Variants in KIAA1210 observed in about 807,000 individuals in gnomAD.
KIAA1210 encodes the protein acrosomal protein KIAA1210.
KIAA1210 carries 48 observed loss-of-function variants against 78.9 expected under a neutral mutation model. That is an observed-to-expected ratio of 0.61 (90% CI 0.48 to 0.77). KIAA1210 has a LOEUF of 0.77. KIAA1210 is among the 30% of genes least tolerant of loss of function. KIAA1210 has a pLI of 0.00. For synonymous variants in KIAA1210, 406 were observed against 404.5 expected, an observed-to-expected ratio of 1.00 and a Z score of -0.04; for missense variants, 1,108 against 1,100.0, an observed-to-expected ratio of 1.01 and a Z score of -0.10.
At position 119,088,792 on chromosome X, in the gene KIAA1210, T is replaced by G; in HGVS notation, c.1910A>C (p.Glu637Ala). The G allele has an allele frequency of 8.3e-7, 1 of 1,211,360 alleles. No individual in the cohort carries two copies. Among genetic ancestry groups the G allele is most frequent in the South Asian group, 1.8e-5 (1 of 56,902 alleles). Residue 637 changes from glutamate (E) to alanine (A), a missense_variant, in exon 9 of 12, where the codon GAA becomes GCA. By Grantham distance (107) the Glu-to-Ala change is moderately radical (BLOSUM62 -1). Around this residue, in one of 5 missense-constraint regions of KIAA1210, gnomAD observed 672 missense variants for 607.1 expected, o/e 1.11. Transcript: ENST00000691062. The part of the protein sequence containing the change: ...QSLGKFEDEQ[E>A]VFSESKSFVE... ...AAAACTTTTTGATTCTGAGAAGACT[T>G]CTTGTTCATCTTCAAACTTCCCCAA...
chrX:119,150,405 C>G (rs750492632), exon 1 of KIAA1210: 1 of 1,209,861 alleles, frequency 8.3e-7, no homozygotes, highest in Admixed American at 2.2e-5. Context: ...GTGCTTCCCT[C>G]CTTCTTGCCT....
intron 6 of KIAA1210, among the ~76,000 whole-genome samples, chrX:119,096,894 A>G (rs1201876617): frequency 8.9e-6 from 1 of 112,324 alleles, no homozygotes; most frequent in East Asian, 2.8e-4. Context: ...TGAAAACAAG[A>G]AACAGGAAGA....
intron 8 of KIAA1210, 44 bp from the exon 9 acceptor site, chrX:119,089,790 T>C (rs765883254): frequency 1.8e-6 from 2 of 1,102,007 alleles, no homozygotes; most frequent in Non-Finnish European, 1.2e-6. Context: ...TGTGTGACTT[T>C]CACTTCCTAA....
chrX:119,105,395 CCAAA>C (rs1927863796), intron 5 of KIAA1210, among the ~76,000 whole-genome samples: 1 of 111,995 alleles, frequency 8.9e-6, no homozygotes, highest in Non-Finnish European at 1.9e-5. Context: ...TTGCCAATCC[CCAAA>C]CAAAGACAGA....
intron 2 of KIAA1210, among the ~76,000 whole-genome samples, chrX:119,138,877 G>A (rs1053760443): frequency 4.5e-5 from 5 of 111,856 alleles, no homozygotes; most frequent in African/African-American, 1.6e-4. Flanking sequence ...CTAAATGGGG[G>A]TGGCAGGTGG....
intron 10 of KIAA1210, 21 bp downstream of exon 10, chrX:119,085,362 A>G (rs1927095508): frequency 8.4e-7 from 1 of 1,191,129 alleles, no homozygotes; most frequent in Non-Finnish European, 1.1e-6. Context: ...GGAGTGTTTT[A>G]TTGGCTACCC....
In KIAA1210 at chrX:119,116,525, G is replaced by A. The variant is rs372678895; in HGVS notation, c.201C>T (p.Pro67=). 106 of 1,209,786 alleles carry A rather than the reference G, an allele frequency of 8.8e-5. No homozygotes were observed. Among genetic ancestry groups the A allele is most frequent in the Non-Finnish European group, 1.1e-4 (102 of 895,001 alleles). Residue 67 remains proline, a synonymous_variant, in exon 3 of 12, where the codon CCC becomes CCT. Coordinates refer to ENST00000691062, the MANE Select transcript of KIAA1210 (RefSeq NM_001394962.1). ...SSNINISSLQ[P]VRENQPTKAR... The stretch of plus-strand genomic sequence containing the variant: ...CCTTAGTTGGTTGATTTTCCCGAAC[G>A]GGCTGCAGAGAAGAGATGTTAATGT...
Position 119,079,382 on chromosome X carries a change from T to C in KIAA1210, c.*1947A>G, listed in dbSNP as rs1926867339. ...TCCTAGAAAAATGAGCTAGGTTTACTGCCCAGACATCCAAAGGGAGCTCTC... is the reference window on the plus strand; with the variant it reads ...TCCTAGAAAAATGAGCTAGGTTTACCGCCCAGACATCCAAAGGGAGCTCTC... On this transcript the variant is annotated 3_prime_UTR_variant, in exon 12 of 12. Transcript: ENST00000691062. 8.9e-6 allele frequency: 1 copy of C among 112,097 alleles called. No individual in the cohort carries two copies. The highest frequency in any genetic ancestry group is 9.4e-5 in the Admixed American group (1 of 10,642). The allele number at this position is 112,097 out of a possible 1,213,427, so 9.2% of individuals were successfully genotyped here. A position where few individuals can be genotyped will look rare whatever the true frequency, so the allele number is the denominator to read the frequency against.
intron 2 of KIAA1210, among the ~76,000 whole-genome samples, chrX:119,141,660 C>T (rs1929052995): frequency 8.9e-6 from 1 of 111,993 alleles, no homozygotes; most frequent in African/African-American, 3.2e-5. Flanking sequence ...AATTTTTTCC[C>T]CTGGGGCCTT....
rs371503493 is a variant in KIAA1210 at position 119,087,073 on chromosome X, C to G, written c.3629G>C (p.Arg1210Pro). ...HSSSVNAAAR[R>P]SVFESNSDNW... ...GTCAGAATTGCTCTCAAAAACAGAT[C>G]GCCTAGCAGCAGCATTCACAGAACT... is the stretch of plus-strand genomic sequence containing the variant. Residue 1210 changes from arginine to proline, a missense_variant, in exon 9 of 12, where the codon CGA (arginine) becomes CCA (proline). Coordinates refer to ENST00000691062, the MANE Select transcript of KIAA1210 (RefSeq NM_001394962.1). 11 of 1,209,725 alleles carry G rather than the reference C, an allele frequency of 9.1e-6. No individual in the cohort carries two copies. The African/African-American group carries it at 1.8e-4, about 19-fold the overall frequency.
upstream of KIAA1210, among the ~76,000 whole-genome samples, chrX:119,131,145 A>G (rs1434227856): frequency 2.7e-5 from 3 of 111,894 alleles, no homozygotes; most frequent in Middle Eastern, 4.6e-3. Flanking sequence ...GGTTTTCTTT[A>G]AACAATGTAA....
At chrX:119,110,071 C>A (rs2147183901) in intron 3 of KIAA1210, among the ~76,000 whole-genome samples, 1 of 111,776 alleles carries the variant, frequency 8.9e-6, no homozygotes, top group South Asian at 3.7e-4. Context: ...ACAGGAAGAG[C>A]AAACTACAGA....
chrX:119,087,940 A>T lies in KIAA1210; in HGVS notation c.2762T>A (p.Leu921Gln). The change falls in exon 9 of 12, where the codon CTG (leucine) becomes CAG (glutamine). Residue 921 changes from leucine (L) to glutamine (Q), a missense_variant. Physicochemically the swap from Leu to Gln is moderately radical, Grantham distance 113 (BLOSUM62 -2). This residue lies in a region of KIAA1210 where 179 missense variants were observed against 174.1 expected (regional missense o/e 1.03). Coordinates refer to ENST00000691062, the MANE Select transcript of KIAA1210 (RefSeq NM_001394962.1). ...TTCTGGATGTGCAGAGAGTTGATAC[A>T]GTTCCTCAAATTTAGGGGTCACCCA... is the stretch of plus-strand genomic sequence containing the variant. ...PPWVTPKFEE[L>Q]YQLSAHPEST... is the part of the protein sequence containing the mutation. 3 of 1,211,901 alleles carry T rather than the reference A, an allele frequency of 2.5e-6. No individual in the cohort carries two copies. The highest frequency in any genetic ancestry group is 3.4e-6 in the Non-Finnish European group (3 of 895,451).
intron 8 of KIAA1210, among the ~76,000 whole-genome samples, chrX:119,091,527 G>T (rs1204823753): frequency 8.9e-6 from 1 of 112,073 alleles, no homozygotes; most frequent in Non-Finnish European, 1.9e-5. Flanking sequence ...GCACATGCTA[G>T]TAGTTGTACA....
rs763924502 is a variant in KIAA1210 at position 119,089,662 on chromosome X, C to T, written c.1040G>A (p.Arg347Gln). 1.3e-5 allele frequency: 16 copies of T among 1,209,527 alleles called. No individual in the cohort carries two copies. Among genetic ancestry groups the T allele is most frequent in the East Asian group, 5.9e-5 (2 of 33,775 alleles). The stretch of plus-strand genomic sequence containing the variant: ...TGCTGACATTGGATAGCCCTGACTC[C>T]GAGAAGCATCAGTGTTTGGAGCCTG... ...TDQAPNTDAS[R>Q]SQGYPMSAAY... The change falls in exon 9 of 12, where the codon CGG becomes CAG. Residue 347 changes from arginine to glutamine, a missense_variant. By Grantham distance (43) the Arg-to-Gln change is conservative. Around this residue, in one of 5 missense-constraint regions of KIAA1210, gnomAD observed 672 missense variants for 607.1 expected, o/e 1.11. Transcript: ENST00000691062.
intron 2 of KIAA1210, among the ~76,000 whole-genome samples, chrX:119,138,432 T>C (rs1008555140): frequency 9.0e-6 from 1 of 110,662 alleles, no homozygotes; most frequent in African/African-American, 3.3e-5. Flanking sequence ...TTGGCCAGGC[T>C]GGTCTCGAAC....
chrX:119,139,716 A>T (rs1305120254), intron 2 of KIAA1210, among the ~76,000 whole-genome samples: 2 of 111,842 alleles, frequency 1.8e-5, no homozygotes, highest in Non-Finnish European at 3.8e-5. Context: ...ACATCTATAA[A>T]AATAATAAAT....
chrX:119,131,537 C>A (rs752417489), upstream of KIAA1210, among the ~76,000 whole-genome samples: 6 of 111,868 alleles, frequency 5.4e-5, no homozygotes, highest in African/African-American at 2.0e-4. Context: ...ACCCATGTAC[C>A]CCCGAACCTA....
chrX:119,150,470 A>G lies in KIAA1210; in HGVS notation c.110T>C (p.Ile37Thr), dbSNP rs747557890. ...GCCTTGGGAATACGCTCGACTTCCA[A>G]TCCTGGCCCCTCGGTCCCTGGGGCC... Residue 37 changes from isoleucine (I) to threonine (T), a missense_variant, in exon 1 of 14, where the codon ATT becomes ACT. Physicochemically the swap from Ile to Thr is moderately conservative, Grantham distance 89. Transcript: ENST00000402510. The G allele has an allele frequency of 1.7e-6, 2 of 1,210,062 alleles. No individual in the cohort carries two copies. Among genetic ancestry groups the G allele is most frequent in the Non-Finnish European group, 2.2e-6 (2 of 895,152 alleles).
Sources: allele counts gnomAD v4.1 joint callset (sites outside exome capture counted in the v4.1 genomes callset), GRCh38; gene constraint gnomAD v4.1.1; regional missense constraint gnomAD v4.1.1; transcripts MANE v1.5; gene names NCBI Gene and HGNC (gene_info 2026-07-23, HGNC 2026-07-21).